ASB11: variants seen among roughly 807,000 people sequenced by gnomAD.
ASB11 encodes ankyrin repeat and SOCS box containing 11, also known as ankyrin repeat and SOCS box protein 11.
A neutral mutation model predicts 20.1 loss-of-function variants in ASB11; 17 were observed. The ratio of observed to expected loss-of-function variants is 0.85; its 90% confidence interval spans 0.58 to 1.27. The LOEUF is 1.27. Among genes scored for constraint, ASB11 ranks in the 50% most tolerant of loss-of-function variants. The probability of loss-of-function intolerance (pLI) is 0.00; values close to 1 mark genes in which losing one functional copy is unlikely to be tolerated. For missense variants in ASB11, 259 were observed against 256.9 expected (o/e 1.01, Z -0.06); for synonymous variants, 107 against 105.6 (o/e 1.01, Z -0.08).
chrX:15,288,147 C>G, intron 5 of ASB11, 75 bp from the exon 6 acceptor site: 2 of 984,080 alleles, frequency 2.0e-6, no homozygotes, highest in Non-Finnish European at 2.7e-6. Context: ...ATAGTCATTG[C>G]ATATAAAGAC....
chrX:15,293,106 A>T (rs752006100), intron 4 of ASB11, 64 bp downstream of exon 4: 9 of 1,153,311 alleles, frequency 7.8e-6, no homozygotes, highest in Non-Finnish European at 1.0e-5. Context: ...ACACTAGACC[A>T]TTGATTCATA....
chrX:15,283,382 A>T lies in ASB11; in HGVS notation c.*123T>A. 1 of 958,586 alleles carries T rather than the reference A, an allele frequency of 1.0e-6. No homozygotes were observed. Among genetic ancestry groups the T allele is most frequent in the East Asian group, 3.1e-5 (1 of 31,937 alleles). The allele number at this position is 958,586 out of a possible 1,213,427, so 79.0% of individuals were successfully genotyped here. A position where few individuals can be genotyped will look rare whatever the true frequency, so the allele number is the denominator to read the frequency against. On this transcript the variant is annotated 3_prime_UTR_variant, in exon 7 of 7. Transcript: ENST00000480796. ...AAGTGTTCTAGCTCATGGGGGATTT[A>T]CTTCGACTGAGCTCATTTAAAGATA...
chrX:15,314,001 T>C (rs1216306659), intron 1 of ASB11, among the ~76,000 whole-genome samples: 1 of 96,705 alleles, frequency 1.0e-5, no homozygotes, highest in Non-Finnish European at 2.0e-5. Flanking sequence ...GAGGTTGCAG[T>C]GAGCCGAGAT....
chrX:15,293,343 C>T, intron 3 of ASB11, 23 bp from the exon 4 acceptor site: 2 of 1,183,233 alleles, frequency 1.7e-6, no homozygotes, highest in Non-Finnish European at 2.3e-6. Flanking sequence ...AAAGAGAGAC[C>T]CAAAGGATTT....
At chrX:15,297,771 AG>A (rs1299122990) in intron 2 of ASB11, 90 bp from the exon 3 acceptor site, 1 of 845,564 alleles carries the variant, frequency 1.2e-6, no homozygotes. Context: ...CCTGGCCTCA[AG>A]TGATCTTCCT....
rs769897181 is a variant in ASB11 at position 15,293,300 on chromosome X, G to A, written c.390C>T (p.His130=). The change falls in exon 4 of 7, where the codon CAC becomes CAT. Residue 130 remains histidine, a synonymous_variant. Coordinates refer to ENST00000480796, the MANE Select transcript of ASB11 (RefSeq NM_080873.3). ...NGAHVNGVTV[H]GATPLFNACC... The stretch of plus-strand genomic sequence containing the variant: ...AAGCATTGAAGAGGGGTGTGGCTCC[G>A]TGAACTGTCACTCCATTGACCTAAT... 27 of 1,207,148 alleles carry A rather than the reference G, an allele frequency of 2.2e-5. No homozygotes were observed. The highest frequency in any genetic ancestry group is 4.4e-5 in the Admixed American group (2 of 45,239).
intron 6 of ASB11, among the ~76,000 whole-genome samples, chrX:15,284,081 T>G (rs1340114450): frequency 1.5e-3 from 161 of 104,862 alleles, no homozygotes; most frequent in Non-Finnish European, 1.9e-3. Flanking sequence ...TGAAACCCCG[T>G]GTCCACTAAA....
At chrX:15,289,395 T>A in intron 5 of ASB11, 109 bp downstream of exon 5, 2 of 895,029 alleles carry the variant, frequency 2.2e-6, no homozygotes, top group Non-Finnish European at 3.1e-6. Flanking sequence ...CATTCAAACA[T>A]AAAATGCTAA....
chrX:15,308,165 A>G (rs917267549), intron 1 of ASB11, among the ~76,000 whole-genome samples: 8 of 112,435 alleles, frequency 7.1e-5, no homozygotes, highest in Non-Finnish European at 9.4e-5. Flanking sequence ...CTGCTTGATC[A>G]GTCTCAACTG....
At chrX:15,313,718 C>T (rs1023593949) in intron 1 of ASB11, among the ~76,000 whole-genome samples, 4 of 111,533 alleles carry the variant, frequency 3.6e-5, no homozygotes, top group Non-Finnish European at 5.6e-5. Flanking sequence ...ACCATGCTTA[C>T]ATGGGTTTTG....
Position 15,295,036 on chromosome X carries a change from G to T in ASB11, c.370-1716C>A, listed in dbSNP as rs186662404. On this transcript the variant is annotated intron_variant, in intron 3 of 6. Transcript: ENST00000480796. ...CCATTAGGGAAGACAAATACAAAAA[G>T]AATTTTTTTTAATTTTTTTATTTTT... Among the ~76,000 whole-genome samples the T allele has an allele frequency of 4.8e-4, 54 of 111,533 alleles. 1 individual carries two copies. The highest frequency in any genetic ancestry group is 4.3e-3 in the Admixed American group (45 of 10,459).
rs1006468561 is a variant in ASB11 at position 15,283,541 on chromosome X, C to G, written c.936G>C (p.Leu312=). Residue 312 remains leucine, a synonymous_variant, in exon 7 of 7, where the codon CTG becomes CTC. Coordinates refer to ENST00000480796, the MANE Select transcript of ASB11 (RefSeq NM_080873.3). The stretch of plus-strand genomic sequence containing the variant: ...GGAGGAATCGTTCGAGTGGCTCTGG[C>G]AGATGTAGCTTGTGGATGGCTTGAT... ...ACHQAIHKLH[L]PEPLERFLLY... is the part of the protein sequence containing the mutation. 1 of 1,210,685 alleles carries G rather than the reference C, an allele frequency of 8.3e-7. No homozygotes were observed.
At chrX:15,312,178 T>C (rs1270415722) in intron 1 of ASB11, among the ~76,000 whole-genome samples, 2 of 110,074 alleles carry the variant, frequency 1.8e-5, no homozygotes, top group African/African-American at 6.6e-5. Context: ...GTGATCCATC[T>C]GGTGCTCTAG....
At chrX:15,304,650 C>T (rs1288371092) in intron 1 of ASB11, among the ~76,000 whole-genome samples, 1 of 111,950 alleles carries the variant, frequency 8.9e-6, no homozygotes, top group Non-Finnish European at 1.9e-5. Context: ...GAAGCTGAGG[C>T]GGGCAGATCA....
chrX:15,302,853 CTGTAACT>C, intron 1 of ASB11, 46 bp from the exon 2 acceptor site: 1 of 1,111,999 alleles, frequency 9.0e-7, no homozygotes, highest in Non-Finnish European at 1.2e-6. Flanking sequence ...AGACTTCTTC[CTGTAACT>C]TGTCCATGCT....
chrX:15,290,726 T>C (rs1453404909), intron 4 of ASB11, among the ~76,000 whole-genome samples: 1 of 112,354 alleles, frequency 8.9e-6, no homozygotes, highest in Non-Finnish European at 1.9e-5. Context: ...AACCTATTTT[T>C]TGTAGATAAC....
intron 2 of ASB11, among the ~76,000 whole-genome samples, chrX:15,301,052 C>T (rs976099182): frequency 3.6e-5 from 4 of 111,285 alleles, no homozygotes; most frequent in Admixed American, 9.6e-5. Flanking sequence ...ACCTCCACCC[C>T]GCCAGGTTCA....
intron 1 of ASB11, among the ~76,000 whole-genome samples, chrX:15,309,657 A>G (rs1180654786): frequency 3.6e-5 from 4 of 110,147 alleles, no homozygotes; most frequent in African/African-American, 1.3e-4. Flanking sequence ...AAATAAACCA[A>G]TTGTACCACC....
intron 3 of ASB11, 36 bp downstream of exon 3, chrX:15,297,538 G>C: frequency 9.3e-7 from 1 of 1,073,196 alleles, no homozygotes; most frequent in Admixed American, 2.8e-5. Flanking sequence ...GATGCATCTG[G>C]CCAGACAGAC....
Sources: allele counts gnomAD v4.1 joint callset (sites outside exome capture counted in the v4.1 genomes callset), GRCh38; gene constraint gnomAD v4.1.1; transcripts MANE v1.5; gene names NCBI Gene and HGNC (gene_info 2026-07-23, HGNC 2026-07-21).